The following PDE11A variants were observed in gnomAD, a reference collection of about 807,000 sequenced individuals.
PDE11A encodes phosphodiesterase 11A.
Under a neutral mutation model 100.5 loss-of-function variants are expected in PDE11A, and 100 were observed. The ratio of observed to expected loss-of-function variants is 1.00; its 90% CI spans 0.85 to 1.18. The LOEUF (loss-of-function observed/expected upper bound fraction) is 1.18, where lower values mean the gene tolerates loss of function less well. PDE11A is among the 50% of genes most tolerant of loss of function. The pLI is 0.00. For synonymous variants in PDE11A, 381 were observed against 420.8 expected, an observed-to-expected ratio of 0.91 and a Z score of 1.16; for missense variants, 1,141 against 1,152.6, an observed-to-expected ratio of 0.99 and a Z score of 0.15.
intron 13 of PDE11A, among the ~76,000 whole-genome samples, chr2:177,708,718 G>C (rs1323362589): frequency 6.6e-6 from 1 of 152,210 alleles, no homozygotes; most frequent in African/African-American, 2.4e-5. Context: ...AAGTGCTGTA[G>C]TTAAAGATAT....
chr2:177,908,747 A>T (rs1378972189), intron 2 of PDE11A, among the ~76,000 whole-genome samples: 2 of 152,192 alleles, frequency 1.3e-5, no homozygotes, highest in Non-Finnish European at 2.9e-5. Context: ...GTCTTAGCCC[A>T]GTGGGAACAC....
intron 2 of PDE11A, among the ~76,000 whole-genome samples, chr2:177,963,026 C>T (rs2085655009): frequency 6.6e-6 from 1 of 152,016 alleles, no homozygotes; most frequent in Non-Finnish European, 1.5e-5. Context: ...AATAGAGAAA[C>T]TAGTTGGGGT....
At chr2:177,658,529 T>C (rs1428868887) in intron 19 of PDE11A, among the ~76,000 whole-genome samples, 1 of 148,372 alleles carries the variant, frequency 6.7e-6, no homozygotes, top group Non-Finnish European at 1.5e-5. Flanking sequence ...TCTCCTTCCC[T>C]ACATTCCTCC....
chr2:177,827,986 T>G (rs2083253276), intron 6 of PDE11A, among the ~76,000 whole-genome samples: 1 of 152,228 alleles, frequency 6.6e-6, no homozygotes, highest in Non-Finnish European at 1.5e-5. Context: ...GCAAGTTGAC[T>G]TGTTTAGATA....
chr2:178,096,164 C>CTTTTTTTTTTTTTTTTTTTT (rs1257178630), intron 2 of PDE11A, among the ~76,000 whole-genome samples: 82 of 110,234 alleles, frequency 7.4e-4, no homozygotes, highest in Non-Finnish European at 9.5e-4. Flanking sequence ...TTTTTCTTTT[C>CTTTTTTTTTTTTTTTTTTTT]TTTTCTTTTT....
chr2:177,752,065 A>AC (rs1238380956), intron 10 of PDE11A, among the ~76,000 whole-genome samples: 1 of 152,168 alleles, frequency 6.6e-6, no homozygotes. Context: ...TGCAGCGCTC[A>AC]CCACGAGAAA....
chr2:177,720,815 A>T (rs1366592135), intron 12 of PDE11A, among the ~76,000 whole-genome samples: 1 of 152,220 alleles, frequency 6.6e-6, no homozygotes, highest in Non-Finnish European at 1.5e-5. Context: ...TACCAAGCTC[A>T]GAGTTGGAAA....
chr2:178,099,793 G>A (rs1485272815), intron 2 of PDE11A, among the ~76,000 whole-genome samples: 4 of 152,230 alleles, frequency 2.6e-5, no homozygotes, highest in African/African-American at 9.6e-5. Flanking sequence ...ACACGGACTC[G>A]ACAGATATTT....
At chr2:178,063,790 A>C (rs567961537) in intron 1 of PDE11A, among the ~76,000 whole-genome samples, 1 of 152,350 alleles carries the variant, frequency 6.6e-6, no homozygotes, top group East Asian at 1.9e-4. Context: ...TCCAGAAATT[A>C]GCTAGCCCTG....
Position 177,719,469 on chromosome 2 carries a change from GGA to G in PDE11A, c.2044-7593_2044-7592del, listed in dbSNP as rs528839476. ...GTTGAGGGACAATATGATAGATTTT[GGA>G]GAGTCTTTCTTCCTCTTCTTCATCT... On this transcript the variant is annotated intron_variant, in intron 12 of 19. Coordinates refer to ENST00000286063, the MANE Select transcript of PDE11A (RefSeq NM_016953.4). 2.2e-3 allele frequency among the ~76,000 whole-genome samples: 341 copies of G among 152,252 alleles called. 1 individual carries two copies. The highest frequency in any genetic ancestry group is 7.8e-3 in the African/African-American group (326 of 41,542).
chr2:177,941,407 A>C (rs1574294889), intron 2 of PDE11A, among the ~76,000 whole-genome samples: 1 of 152,008 alleles, frequency 6.6e-6, no homozygotes, highest in African/African-American at 2.4e-5. Context: ...CCTTTTCCTG[A>C]TGCAAGTGTT....
chr2:177,752,805 C>G (rs1475871407), intron 10 of PDE11A, among the ~76,000 whole-genome samples: 1 of 152,132 alleles, frequency 6.6e-6, no homozygotes, highest in African/African-American at 2.4e-5. Flanking sequence ...ATTATTTATA[C>G]CCATTAGAGG....
At chr2:177,746,551 A>G (rs1242474033) in intron 10 of PDE11A, among the ~76,000 whole-genome samples, 2 of 152,254 alleles carry the variant, frequency 1.3e-5, no homozygotes, top group Non-Finnish European at 2.9e-5. Context: ...GAATTCTACA[A>G]GCTGCCAAAC....
At chr2:177,992,767 A>G (rs747463875) in intron 2 of PDE11A, among the ~76,000 whole-genome samples, 1 of 152,192 alleles carries the variant, frequency 6.6e-6, no homozygotes, top group Non-Finnish European at 1.5e-5. Flanking sequence ...ATCTATCCAA[A>G]TATCAGCCTT....
intron 9 of PDE11A, among the ~76,000 whole-genome samples, chr2:177,808,406 C>T (rs1184485854): frequency 1.3e-5 from 2 of 152,148 alleles, no homozygotes; most frequent in Non-Finnish European, 2.9e-5. Flanking sequence ...TTAAGTGGAA[C>T]TCTTCCTGAG....
intron 9 of PDE11A, among the ~76,000 whole-genome samples, chr2:177,802,354 G>A (rs771874809): frequency 5.3e-5 from 8 of 151,866 alleles, no homozygotes; most frequent in Non-Finnish European, 8.8e-5. Context: ...GTAATACTAG[G>A]TATTAGCCCA....
At chr2:177,877,388 T>C (rs1231686194) in intron 4 of PDE11A, among the ~76,000 whole-genome samples, 1 of 152,046 alleles carries the variant, frequency 6.6e-6, no homozygotes, top group Non-Finnish European at 1.5e-5. Flanking sequence ...TAGTCTTGAA[T>C]TCCTCACCCC....
rs199565935 is a variant in PDE11A at position 177,878,845 on chromosome 2, CTACTT to C, written c.1303-2927_1303-2923del. ...GACTCCTTCAAAACCAGAATAAACTCTACTTTATTTACTAATTCTACAAATATTTA... is the reference window on the plus strand; with the variant it reads ...GACTCCTTCAAAACCAGAATAAACTCTATTTACTAATTCTACAAATATTTA... On this transcript the variant is annotated intron_variant, in intron 4 of 19. Coordinates refer to ENST00000286063, the MANE Select transcript of PDE11A (RefSeq NM_016953.4). 7.9e-3 allele frequency among the ~76,000 whole-genome samples: 1,204 copies of C among 152,294 alleles called. 16 individuals carry two copies. The highest frequency in any genetic ancestry group is 0.027 in the African/African-American group (1,115 of 41,558).
At chr2:177,932,459 A>T (rs2085219925) in intron 2 of PDE11A, among the ~76,000 whole-genome samples, 1 of 152,228 alleles carries the variant, frequency 6.6e-6, no homozygotes, top group African/African-American at 2.4e-5. Flanking sequence ...CAAGAAATTA[A>T]TTTACCATAA....
Sources: gnomAD v4.1 joint callset for allele counts (sites outside exome capture counted in the v4.1 genomes callset) on GRCh38, gnomAD v4.1.1 for gene constraint, MANE v1.5 for transcripts, NCBI Gene and HGNC (gene_info 2026-07-23, HGNC 2026-07-21) for gene names.